The following BTAF1 variants were observed in gnomAD, a reference collection of about 807,000 sequenced individuals.
BTAF1 encodes the protein B-TFIID TATA-box binding protein associated factor 1.
A neutral mutation model predicts 227.1 loss-of-function variants in BTAF1; 38 were observed. That is an observed-to-expected ratio of 0.17 (90% CI 0.13 to 0.22). The LOEUF is 0.22. BTAF1 is among the 10% of genes least tolerant of loss of function. BTAF1 has a pLI of 1.00. For missense variants in BTAF1, 1,598 were observed against 2,204.0 expected (o/e 0.73, Z 5.51); for synonymous variants, 742 against 751.9 (o/e 0.99, Z 0.21).
Position 91,941,812 on chromosome 10 carries a change from A to G in BTAF1, c.254-610A>G, listed in dbSNP as rs891833083. On this transcript the variant is annotated intron_variant, in intron 3 of 37. Coordinates refer to ENST00000265990, the MANE Select transcript of BTAF1 (RefSeq NM_003972.3). Reference sequence around the variant, plus strand: ...ATATACATTTTAACATGGGAATGCAATTTCTTTATATAAATAACATTTTGC... The same window carrying G: ...ATATACATTTTAACATGGGAATGCAGTTTCTTTATATAAATAACATTTTGC... Among the ~76,000 whole-genome samples the G allele has an allele frequency of 3.3e-5, 5 of 152,224 alleles. No individual in the cohort carries two copies. In the South Asian group the frequency reaches 8.3e-4, roughly 25 times the overall value.
intron 25 of BTAF1, among the ~76,000 whole-genome samples, chr10:92,004,974 G>C (rs1323514220): frequency 6.6e-6 from 1 of 152,108 alleles, no homozygotes; most frequent in Non-Finnish European, 1.5e-5. Context: ...TGAATATCCA[G>C]TTTTCCCAAC....
chr10:91,924,055 T>A lies in BTAF1; in HGVS notation c.-22T>A. On this transcript the variant is annotated 5_prime_UTR_variant, in exon 1 of 38. Coordinates refer to ENST00000265990, the MANE Select transcript of BTAF1 (RefSeq NM_003972.3). ...GCGCGGCGCGTAGGTCGCGGGGAGC[T>A]CCGAACCGCCGGCGCCCGGCCATGG... The A allele has an allele frequency of 6.2e-7, 1 of 1,606,810 alleles. No homozygotes were observed. Among genetic ancestry groups the A allele is most frequent in the Non-Finnish European group, 8.5e-7 (1 of 1,177,922 alleles).
chr10:91,934,366 A>G (rs1233381869), intron 1 of BTAF1, among the ~76,000 whole-genome samples: 2 of 151,798 alleles, frequency 1.3e-5, no homozygotes, highest in Non-Finnish European at 2.9e-5. Context: ...CCTCCCTAGT[A>G]GCCGGGACTA....
intron 1 of BTAF1, among the ~76,000 whole-genome samples, chr10:91,927,618 A>T (rs935963488): frequency 1.4e-4 from 22 of 152,078 alleles, no homozygotes; most frequent in Non-Finnish European, 2.4e-4. Context: ...TGTTCAGTAC[A>T]TTTAAAAAAA....
At chr10:91,935,818 G>A in intron 2 of BTAF1, 38 bp downstream of exon 2, 1 of 1,502,526 alleles carries the variant, frequency 6.7e-7, no homozygotes, top group African/African-American at 1.4e-5. Flanking sequence ...TAATACAATT[G>A]TAGAGACTTA....
At chr10:92,009,268 CAGTAACATTTATTAA>C in intron 28 of BTAF1, 60 bp downstream of exon 28, 1 of 1,528,938 alleles carries the variant, frequency 6.5e-7, no homozygotes, top group Non-Finnish European at 8.9e-7. Context: ...AGATAAGGAA[CAGTAACATTTATTAA>C]AGTGAATTCT....
intron 6 of BTAF1, among the ~76,000 whole-genome samples, 189 bp from the exon 7 acceptor site, chr10:91,956,339 T>G (rs570453665): frequency 6.6e-6 from 1 of 152,330 alleles, no homozygotes; most frequent in Admixed American, 6.5e-5. Flanking sequence ...TCAAAAAATT[T>G]TAAGCAGTTA....
At chr10:91,931,332 A>C (rs1219802923) in intron 1 of BTAF1, among the ~76,000 whole-genome samples, 1 of 152,216 alleles carries the variant, frequency 6.6e-6, no homozygotes, top group Non-Finnish European at 1.5e-5. Context: ...ATTTATAACC[A>C]GTGGATATTA....
chr10:91,985,112 C>T (rs765424241), intron 19 of BTAF1, among the ~76,000 whole-genome samples: 1 of 151,990 alleles, frequency 6.6e-6, no homozygotes, highest in Non-Finnish European at 1.5e-5. Context: ...AGATACAGAA[C>T]ATTATCATCA....
At chr10:91,964,313 C>G (rs1364732639) in intron 13 of BTAF1, 112 bp downstream of exon 13, 1 of 1,236,772 alleles carries the variant, frequency 8.1e-7, no homozygotes, top group Admixed American at 2.5e-5. Context: ...ATTATTTAAG[C>G]TGGAGATGCC....
chr10:92,026,552 T>C lies in BTAF1; in HGVS notation c.5076-40T>C, dbSNP rs774160737. On this transcript the variant is annotated intron_variant, in intron 35 of 37. Coordinates refer to ENST00000265990, the MANE Select transcript of BTAF1 (RefSeq NM_003972.3). Reference sequence around the variant, plus strand: ...TTATTAACAGTTTCTGTTATAGGACTTAAGAATGGACTAATTTTATTTTTG... The same window carrying C: ...TTATTAACAGTTTCTGTTATAGGACCTAAGAATGGACTAATTTTATTTTTG... The C allele has an allele frequency of 5.2e-6, 8 of 1,525,672 alleles. No homozygotes were observed. In the South Asian group the frequency reaches 7.2e-5, roughly 14 times the overall value. 94.5% of individuals were successfully genotyped at this position (1,525,672 alleles called of 1,614,324 possible).
chr10:91,970,116 G>A (rs1374464031), intron 14 of BTAF1, among the ~76,000 whole-genome samples: 1 of 144,840 alleles, frequency 6.9e-6, no homozygotes, highest in Non-Finnish European at 1.5e-5. Flanking sequence ...ATTTGCCCTT[G>A]CTGGCTCATA....
At chr10:91,983,879 ATTTCT>A (rs1460563752) in intron 18 of BTAF1, among the ~76,000 whole-genome samples, 6 of 146,366 alleles carry the variant, frequency 4.1e-5, no homozygotes, top group East Asian at 4.1e-4. Flanking sequence ...TGCTTGATAG[ATTTCT>A]TTTCTGATTT....
At chr10:91,967,211 T>C (rs1305031270) in intron 14 of BTAF1, among the ~76,000 whole-genome samples, 3 of 152,168 alleles carry the variant, frequency 2.0e-5, no homozygotes, top group Non-Finnish European at 2.9e-5. Flanking sequence ...GATTTTTCAA[T>C]CTTAAGAGCA....
chr10:91,940,676 A>T (rs1214326173), intron 3 of BTAF1, among the ~76,000 whole-genome samples: 2 of 151,586 alleles, frequency 1.3e-5, no homozygotes, highest in Admixed American at 6.6e-5. Context: ...GTTTTATTTT[A>T]TTTATTTTAT....
chr10:92,026,513 G>A, intron 35 of BTAF1, 79 bp from the exon 36 acceptor site: 1 of 1,170,488 alleles, frequency 8.5e-7, no homozygotes. Flanking sequence ...ATTTTCATTT[G>A]TGCTCTTTAA....
chr10:91,993,966 T>C (rs1848976931), intron 22 of BTAF1, 119 bp downstream of exon 22: 3 of 751,346 alleles, frequency 4.0e-6, no homozygotes, highest in Non-Finnish European at 5.6e-6. Context: ...GACCAGCTGG[T>C]AAGTTTTAAA....
At chr10:91,957,426 C>T in intron 8 of BTAF1, 133 bp downstream of exon 8, 1 of 543,184 alleles carries the variant, frequency 1.8e-6, no homozygotes, top group Non-Finnish European at 3.2e-6. Context: ...CACGTCATAT[C>T]ATTGACCTAA....
In BTAF1 at chr10:91,994,436, T is replaced by G. The variant is rs910094934; in HGVS notation, c.3200-99T>G. On this transcript the variant is annotated intron_variant, in intron 22 of 37. Coordinates refer to ENST00000265990, the MANE Select transcript of BTAF1 (RefSeq NM_003972.3). ...TAATTTTAACACTAAGAAGCAAAAT[T>G]GACTCTCCTATGCTAGCTGAAAAAG... The G allele has an allele frequency of 6.8e-6, 5 of 735,056 alleles. No individual in the cohort carries two copies. In the African/African-American group the frequency reaches 7.1e-5, roughly 10 times the overall value. The allele number at this position is 735,056 out of a possible 1,614,324, so 45.5% of individuals were successfully genotyped here. A position where few individuals can be genotyped will look rare whatever the true frequency, so the allele number is the denominator to read the frequency against.
Sources: allele counts gnomAD v4.1 joint callset (sites outside exome capture counted in the v4.1 genomes callset), GRCh38; gene constraint gnomAD v4.1.1; transcripts MANE v1.5; gene names NCBI Gene and HGNC (gene_info 2026-07-23, HGNC 2026-07-21).